The following CCT2 variants were observed in gnomAD, a reference collection of about 807,000 sequenced individuals.
CCT2 encodes the protein T-complex protein 1 subunit beta.
A neutral mutation model predicts 61.8 loss-of-function variants in CCT2; 18 were observed. The ratio of observed to expected loss-of-function variants is 0.29; its 90% CI spans 0.20 to 0.43. The LOEUF is 0.43. CCT2 is among the 20% of genes least tolerant of loss of function. The pLI is 1.00. For synonymous variants in CCT2, 248 were observed against 215.9 expected, an observed-to-expected ratio of 1.15 and a Z score of -1.30; for missense variants, 556 against 656.9, an observed-to-expected ratio of 0.85 and a Z score of 1.68.
chr12:69,588,895 GTATAA>G (rs1881750456), intron 6 of CCT2, among the ~76,000 whole-genome samples: 1 of 152,080 alleles, frequency 6.6e-6, no homozygotes, highest in Non-Finnish European at 1.5e-5. Flanking sequence ...ATTCACAACT[GTATAA>G]TAATACTTGT....
At chr12:69,590,254 C>T (rs1444865106) in intron 7 of CCT2, among the ~76,000 whole-genome samples, 1 of 152,082 alleles carries the variant, frequency 6.6e-6, no homozygotes, top group Non-Finnish European at 1.5e-5. Flanking sequence ...TTCCAGTCAG[C>T]CTGGAACTTA....
Position 69,598,071 on chromosome 12 carries a change from G to A in CCT2, c.1335G>A (p.Met445Ile), listed in dbSNP as rs776502760. 1 of 1,600,992 alleles carries A rather than the reference G, an allele frequency of 6.2e-7. No homozygotes were observed. The highest frequency in any genetic ancestry group is 8.6e-7 in the Non-Finnish European group (1 of 1,169,048). Reference sequence around the variant, plus strand: ...AGTCTTATGCTAAAGCACTGAGAATGGTAAGTTAATCAAAATGAGAGATCC... The same window carrying A: ...AGTCTTATGCTAAAGCACTGAGAATAGTAAGTTAATCAAAATGAGAGATCC... ...AMESYAKALR[M>I]LPTIIADNAG... Residue 445 changes from methionine (M) to isoleucine (I), a missense_variant and splice_region_variant, in exon 13 of 16, where the codon ATG (methionine) becomes ATA (isoleucine). Around this residue, in one of 3 missense-constraint regions of CCT2, gnomAD observed 225 missense variants for 249.8 expected, o/e 0.90. Transcript: ENST00000299300.
chr12:69,597,114 A>C, intron 10 of CCT2, 42 bp from the exon 11 acceptor site: 1 of 1,592,322 alleles, frequency 6.3e-7, no homozygotes, highest in Non-Finnish European at 8.6e-7. Context: ...CAGGAATTTT[A>C]AGCCTGCTGT....
rs2135851641 is a variant in CCT2 at position 69,589,568 on chromosome 12, A to G, written c.530A>G (p.Asp177Gly). The G allele has an allele frequency of 6.2e-7, 1 of 1,614,078 alleles. No homozygotes were observed. The highest frequency in any genetic ancestry group is 8.5e-7 in the Non-Finnish European group (1 of 1,179,940). The change falls in exon 7 of 16, where the codon GAC (aspartate) becomes GGC (glycine). Residue 177 changes from aspartate (D) to glycine (G), a missense_variant. Physicochemically the swap from Asp to Gly is moderately conservative, Grantham distance 94. Transcript: ENST00000299300. ...TCAAAACTTCTTACTCATCACAAAG[A>G]CCACTTTACAAAGTTAGCTGTAGAA... Reference protein sequence around the residue: ...LSSKLLTHHKDHFTKLAVEAV... With the variant: ...LSSKLLTHHKGHFTKLAVEAV...
At chr12:69,587,821 AATT>A in intron 4 of CCT2, 106 bp from the exon 5 acceptor site, 1 of 925,846 alleles carries the variant, frequency 1.1e-6, no homozygotes, top group East Asian at 2.5e-5. Context: ...AGTTCCAAAT[AATT>A]TGTTGAATGA....
intron 9 of CCT2, 25 bp downstream of exon 9, chr12:69,593,128 A>AT (rs753483720): frequency 1.3e-6 from 2 of 1,589,302 alleles, no homozygotes; most frequent in Non-Finnish European, 1.7e-6. Context: ...TTAAGAAAGG[A>AT]TTTTTTTCCA....
At chr12:69,597,065 T>TTACC in intron 10 of CCT2, 91 bp from the exon 11 acceptor site, 1 of 1,168,698 alleles carries the variant, frequency 8.6e-7, no homozygotes, top group Non-Finnish European at 1.2e-6. Flanking sequence ...GTGAAACACA[T>TTACC]TACCTATCAT....
rs944932110 is a variant in CCT2 at position 69,597,906 on chromosome 12, G to C, written c.1232-62G>C. 8.9e-6 allele frequency: 13 copies of C among 1,463,552 alleles called. No individual in the cohort carries two copies. In the African/African-American group the frequency reaches 1.7e-4, roughly 19 times the overall value. The allele number at this position is 1,463,552 out of a possible 1,614,324, so 90.7% of individuals were successfully genotyped here. On this transcript the variant is annotated intron_variant, in intron 12 of 15. Transcript: ENST00000299300. ...AAATGCTTGGCATATCTTAAAGTCAGTAATTCAGTATCTTGGAGACAACTA... is the reference window on the plus strand; with the variant it reads ...AAATGCTTGGCATATCTTAAAGTCACTAATTCAGTATCTTGGAGACAACTA...
At chr12:69,585,985 G>C in intron 1 of CCT2, 3 of 1,326,086 alleles carry the variant, frequency 2.3e-6, no homozygotes, top group Non-Finnish European at 2.9e-6. Context: ...CTCATTCTTA[G>C]TTCAAGATCG....
At chr12:69,586,231 T>C (rs200874735) in intron 1 of CCT2, 39 bp from the exon 2 acceptor site, 2 of 1,446,958 alleles carry the variant, frequency 1.4e-6, no homozygotes, top group East Asian at 4.5e-5. Context: ...GTTAGAGTAT[T>C]GGTACTTAAA....
In CCT2 at chr12:69,598,177, G is replaced by A. The variant is rs1030219443; in HGVS notation, c.1335+106G>A. 8 of 1,009,292 alleles carry A rather than the reference G, an allele frequency of 7.9e-6. No individual in the cohort carries two copies. In the Admixed American group the frequency reaches 1.7e-4, roughly 22 times the overall value. The allele number at this position is 1,009,292 out of a possible 1,614,324, so 62.5% of individuals were successfully genotyped here. ...TAATACTGCTTTTAAATTTGATTCT[G>A]GAGTTTCTCCTCTTCGTGAGCAGTA... On this transcript the variant is annotated intron_variant, in intron 13 of 15. Coordinates refer to ENST00000299300, the MANE Select transcript of CCT2 (RefSeq NM_006431.3).
At chr12:69,596,003 T>C (rs897703558) in intron 10 of CCT2, among the ~76,000 whole-genome samples, 11 of 152,206 alleles carry the variant, frequency 7.2e-5, no homozygotes, top group African/African-American at 2.7e-4. Flanking sequence ...GCCCAGGAGG[T>C]TGTGCTATGA....
At chr12:69,585,734 C>A in intron 1 of CCT2, 1 of 1,455,000 alleles carries the variant, frequency 6.9e-7, no homozygotes, top group Non-Finnish European at 9.0e-7. Flanking sequence ...GCAAAGCCAG[C>A]GTCTCCTTGT....
chr12:69,599,279 G>T (rs962955979), intron 14 of CCT2, among the ~76,000 whole-genome samples: 1 of 151,378 alleles, frequency 6.6e-6, no homozygotes, highest in Non-Finnish European at 1.5e-5. Context: ...TAGAGATGGG[G>T]GGGCAGTCTC....
chr12:69,593,192 T>A, intron 9 of CCT2, 89 bp downstream of exon 9: 1 of 1,172,626 alleles, frequency 8.5e-7, no homozygotes, highest in Non-Finnish European at 1.2e-6. Context: ...ATTTTTTACC[T>A]AGGAACTGTC....
At chr12:69,592,234 T>C in intron 8 of CCT2, 75 bp downstream of exon 8, 2 of 793,702 alleles carry the variant, frequency 2.5e-6, no homozygotes, top group Admixed American at 2.2e-5. Flanking sequence ...CCTAGCAATT[T>C]GGGAGGCCAA....
At chr12:69,593,178 T>A (rs1881887712) in intron 9 of CCT2, 75 bp downstream of exon 9, 2 of 1,297,610 alleles carry the variant, frequency 1.5e-6, no homozygotes, top group Non-Finnish European at 2.1e-6. Flanking sequence ...TTATATTGAA[T>A]TAGATTTTTT....
At position 69,585,486 on chromosome 12, in the gene CCT2, G is replaced by A. The variant is rs1388657754; in HGVS notation, c.-36G>A. On this transcript the variant is annotated 5_prime_UTR_variant, in exon 1 of 16. Transcript: ENST00000299300. Reference sequence around the variant, plus strand: ...TCCGCTGGTCCCGAGCACGAGCTGTGAGGGGATTCACTTGTGTGCGGAACT... The same window carrying A: ...TCCGCTGGTCCCGAGCACGAGCTGTAAGGGGATTCACTTGTGTGCGGAACT... The A allele has an allele frequency of 1.3e-6, 2 of 1,559,430 alleles. No individual in the cohort carries two copies. Among genetic ancestry groups the A allele is most frequent in the South Asian group, 1.2e-5 (1 of 84,662 alleles).
chr12:69,595,402 T>A (rs150563122), intron 10 of CCT2, among the ~76,000 whole-genome samples: 6 of 152,250 alleles, frequency 3.9e-5, no homozygotes, highest in Non-Finnish European at 8.8e-5. Context: ...AATAAAGATG[T>A]AAGAGGCCGG....
Sources: gnomAD v4.1 joint callset for allele counts (sites outside exome capture counted in the v4.1 genomes callset) on GRCh38, gnomAD v4.1.1 for gene constraint, gnomAD v4.1.1 regional missense constraint, MANE v1.5 for transcripts, NCBI Gene and HGNC (gene_info 2026-07-23, HGNC 2026-07-21) for gene names.